HDAC9: variants seen among roughly 807,000 people sequenced by gnomAD.
The protein encoded by HDAC9 is MEF-2 interacting transcription repressor (MITR) protein.
A neutral mutation model predicts 139.4 loss-of-function variants in HDAC9; 41 were observed. The ratio of observed to expected loss-of-function variants is 0.29; its 90% CI spans 0.23 to 0.38. HDAC9 has a LOEUF of 0.38. Ranked by LOEUF, HDAC9 falls within the 10% of genes least tolerant of loss-of-function variation. The pLI is 1.00. For synonymous variants in HDAC9, 517 were observed against 476.2 expected (o/e 1.09, Z -1.12); for missense variants, 1,147 against 1,297.0 (o/e 0.88, Z 1.78).
intron 2 of HDAC9, among the ~76,000 whole-genome samples, chr7:18,205,278 A>T (rs1791421472): frequency 6.6e-6 from 1 of 151,924 alleles, no homozygotes; most frequent in South Asian, 2.1e-4. Context: ...ATCTATTTCA[A>T]ATTAGATATA....
At chr7:18,991,593 T>C (rs1163669945) in intron 25 of HDAC9, among the ~76,000 whole-genome samples, 3 of 150,304 alleles carry the variant, frequency 2.0e-5, no homozygotes, top group Non-Finnish European at 3.0e-5. Flanking sequence ...GCGGAGATGG[T>C]GCCATTGCAC....
At chr7:18,636,337 G>C (rs779915524) in intron 8 of HDAC9, among the ~76,000 whole-genome samples, 4 of 152,056 alleles carry the variant, frequency 2.6e-5, no homozygotes, top group Non-Finnish European at 2.9e-5. Flanking sequence ...GCAGAGGGCA[G>C]ATCCTCTCTC....
chr7:18,643,091 T>C (rs1294971095), intron 8 of HDAC9, among the ~76,000 whole-genome samples: 1 of 152,152 alleles, frequency 6.6e-6, no homozygotes, highest in African/African-American at 2.4e-5. Flanking sequence ...TAAAATATTT[T>C]TACTTCCTTA....
intron 25 of HDAC9, among the ~76,000 whole-genome samples, chr7:18,977,221 G>A (rs1317191941): frequency 8.5e-5 from 13 of 152,098 alleles, no homozygotes; most frequent in Admixed American, 6.5e-4. Context: ...ACCCCCTGCC[G>A]TTCCCAGCTA....
At chr7:18,121,745 G>A (rs1348691773) in intron 1 of HDAC9, among the ~76,000 whole-genome samples, 2 of 151,988 alleles carry the variant, frequency 1.3e-5, no homozygotes, top group Non-Finnish European at 1.5e-5. Context: ...AAACCTTACT[G>A]TCTTATACTA....
At chr7:18,646,276 T>C (rs1167810122) in intron 9 of HDAC9, among the ~76,000 whole-genome samples, 6 of 152,166 alleles carry the variant, frequency 3.9e-5, no homozygotes, top group Admixed American at 2.6e-4. Flanking sequence ...AACTCACACA[T>C]GGACCACTTT....
At chr7:18,563,343 C>G (rs1201667687) in intron 2 of HDAC9, among the ~76,000 whole-genome samples, 2 of 151,660 alleles carry the variant, frequency 1.3e-5, no homozygotes, top group African/African-American at 2.4e-5. Flanking sequence ...TTTTTTCCAT[C>G]CTGTGTTAAG....
intron 2 of HDAC9, among the ~76,000 whole-genome samples, chr7:18,251,922 G>A (rs1794938910): frequency 2.6e-5 from 4 of 152,146 alleles, no homozygotes; most frequent in Admixed American, 2.6e-4. Flanking sequence ...TAGATGCACT[G>A]TATATACGTA....
chr7:18,940,274 T>C (rs1781936502), intron 23 of HDAC9, among the ~76,000 whole-genome samples: 1 of 152,194 alleles, frequency 6.6e-6, no homozygotes, highest in Admixed American at 6.5e-5. Context: ...ATCTTTATCA[T>C]GAAAATGATC....
chr7:18,218,130 C>A (rs571259470), intron 2 of HDAC9, among the ~76,000 whole-genome samples: 3 of 152,272 alleles, frequency 2.0e-5, no homozygotes, highest in Non-Finnish European at 4.4e-5. Flanking sequence ...GCTACAATGT[C>A]TTTTATGAAC....
chr7:18,770,475 G>C (rs187955224), intron 16 of HDAC9, among the ~76,000 whole-genome samples: 66 of 152,202 alleles, frequency 4.3e-4, no homozygotes, highest in African/African-American at 1.6e-3. Flanking sequence ...CATCTGACCT[G>C]CTGCTGTGTG....
At chr7:18,965,494 A>G (rs1478565814) in intron 24 of HDAC9, among the ~76,000 whole-genome samples, 4 of 152,198 alleles carry the variant, frequency 2.6e-5, no homozygotes, top group Non-Finnish European at 5.9e-5. Flanking sequence ...ATCCTGATAC[A>G]CAAGGAGTCA....
At chr7:18,880,803 A>C (rs1363529336) in intron 22 of HDAC9, among the ~76,000 whole-genome samples, 1 of 149,798 alleles carries the variant, frequency 6.7e-6, no homozygotes, top group Non-Finnish European at 1.5e-5. Flanking sequence ...AAAGTTAAAA[A>C]AAAAATTAAG....
At chr7:18,863,650 A>G (rs1798273860) in intron 21 of HDAC9, among the ~76,000 whole-genome samples, 1 of 152,182 alleles carries the variant, frequency 6.6e-6, no homozygotes, top group African/African-American at 2.4e-5. Context: ...AGTGGGAAGA[A>G]GCAATGAAAA....
intron 14 of HDAC9, among the ~76,000 whole-genome samples, chr7:18,759,638 T>G (rs1226466954): frequency 6.6e-6 from 1 of 152,206 alleles, no homozygotes; most frequent in Non-Finnish European, 1.5e-5. Flanking sequence ...GCTTGAATCA[T>G]CCTGAAGCCA....
intron 1 of HDAC9, among the ~76,000 whole-genome samples, chr7:18,087,651 C>G (rs1238361010): frequency 6.6e-6 from 1 of 152,116 alleles, no homozygotes; most frequent in African/African-American, 2.4e-5. Context: ...ACATCAGAAT[C>G]CTGGGTTTTA....
chr7:18,907,077 G>A (rs1327551302), intron 22 of HDAC9: 1 of 152,180 alleles, frequency 6.6e-6, no homozygotes, highest in African/African-American at 2.4e-5. Flanking sequence ...GCATCCAAAA[G>A]CATAGAAACC....
chr7:18,707,256 AGT>A (rs1175949307), intron 12 of HDAC9, among the ~76,000 whole-genome samples: 1 of 152,242 alleles, frequency 6.6e-6, no homozygotes, highest in East Asian at 1.9e-4. Context: ...AACACAGAAA[AGT>A]ATCTTTAACA....
chr7:18,861,699 C>A (rs1468684243), intron 21 of HDAC9, among the ~76,000 whole-genome samples: 1 of 152,106 alleles, frequency 6.6e-6, no homozygotes, highest in Non-Finnish European at 1.5e-5. Context: ...CAAGGAAAGT[C>A]CCTCATTGCC....
Sources: allele counts gnomAD v4.1 joint callset (sites outside exome capture counted in the v4.1 genomes callset), GRCh38; gene constraint gnomAD v4.1.1; transcripts MANE v1.5; gene names NCBI Gene and HGNC (gene_info 2026-07-23, HGNC 2026-07-21).